Variants in BSN observed in about 807,000 individuals in gnomAD.
The protein encoded by BSN is protein bassoon.
BSN carries 57 observed loss-of-function variants against 264.8 expected under a neutral mutation model. The ratio of observed to expected loss-of-function variants is 0.22; its 90% CI spans 0.17 to 0.27. The LOEUF (loss-of-function observed/expected upper bound fraction) is 0.27. Ranked by LOEUF, BSN falls within the 10% of genes least tolerant of loss-of-function variation. BSN has a pLI of 1.00. For synonymous variants in BSN, 2,059 were observed against 2,137.3 expected (o/e 0.96, Z 1.01); for missense variants, 4,615 against 5,232.5 (o/e 0.88, Z 3.64).
At chr3:49,589,810 T>C (rs778690319) in intron 1 of BSN, among the ~76,000 whole-genome samples, 3 of 147,654 alleles carry the variant, frequency 2.0e-5, no homozygotes, top group Non-Finnish European at 4.5e-5. Context: ...GCCTGGCCAA[T>C]CTTCATTTTA....
At chr3:49,574,254 C>A (rs2108009874) in intron 1 of BSN, among the ~76,000 whole-genome samples, 1 of 151,382 alleles carries the variant, frequency 6.6e-6, no homozygotes, top group Admixed American at 6.6e-5. Flanking sequence ...AGGCGTGAGC[C>A]ACTGTGACCA....
intron 1 of BSN, among the ~76,000 whole-genome samples, chr3:49,620,167 G>C (rs2052294005): frequency 6.6e-6 from 1 of 152,166 alleles, no homozygotes; most frequent in African/African-American, 2.4e-5. Flanking sequence ...GAGGGAGCAA[G>C]TGTCTGCAGA....
intron 1 of BSN, among the ~76,000 whole-genome samples, chr3:49,609,502 C>A (rs147711819): frequency 6.6e-6 from 1 of 152,086 alleles, no homozygotes; most frequent in Non-Finnish European, 1.5e-5. Flanking sequence ...TCCCTGCCAA[C>A]GGCACTGCAG....
At chr3:49,640,205 A>G (rs1169762262) in intron 2 of BSN, among the ~76,000 whole-genome samples, 1 of 151,920 alleles carries the variant, frequency 6.6e-6, no homozygotes, top group Non-Finnish European at 1.5e-5. Context: ...TGAGGAGGAG[A>G]CTCTTCATTG....
At chr3:49,622,569 A>G (rs1024365222) in intron 1 of BSN, among the ~76,000 whole-genome samples, 4 of 152,240 alleles carry the variant, frequency 2.6e-5, no homozygotes, top group African/African-American at 9.6e-5. Flanking sequence ...ATACAATAGA[A>G]ATGGCTACAT....
intron 1 of BSN, among the ~76,000 whole-genome samples, chr3:49,569,646 C>T (rs1158704747): frequency 6.6e-6 from 1 of 152,206 alleles, no homozygotes; most frequent in Non-Finnish European, 1.5e-5. Context: ...TCACAGACAG[C>T]TGCTAAAACA....
rs1317068193 is a variant in BSN, at chr3:49,554,634, C to G, written c.32C>G (p.Ala11Gly). 2.0e-6 allele frequency: 2 copies of G among 983,136 alleles called. No individual in the cohort carries two copies. The highest frequency in any genetic ancestry group is 2.4e-6 in the Non-Finnish European group (2 of 829,736). 60.9% of individuals were successfully genotyped at this position (983,136 alleles called of 1,614,324 possible). The change falls in exon 1 of 12, where the codon GCT (alanine) becomes GGT (glycine). Residue 11 changes from alanine to glycine, a missense_variant. Ala to Gly is a moderately conservative substitution (Grantham distance 60). Around this residue, in one of 3 missense-constraint regions of BSN, gnomAD observed 1,197 missense variants for 1,348.0 expected, o/e 0.89. Coordinates refer to ENST00000296452, the MANE Select transcript of BSN (RefSeq NM_003458.4). MGNEVSLEGG[A>G]GDGPLPPGGA... ...AACGAGGTCAGCCTGGAGGGCGGCGCTGGCGACGGGCCGCTGCCGCCCGGC... is the reference window on the plus strand; with the variant it reads ...AACGAGGTCAGCCTGGAGGGCGGCGGTGGCGACGGGCCGCTGCCGCCCGGC...
At position 49,643,263 on chromosome 3, in the gene BSN, G is replaced by T. The variant is rs1484672110; in HGVS notation, c.1518+111G>T. On this transcript the variant is annotated intron_variant, in intron 3 of 11. Coordinates refer to ENST00000296452, the MANE Select transcript of BSN (RefSeq NM_003458.4). ...CTGGGTCTGCAGCAGCCATGGGGCTGCTCCTGTACAACTAATGCTGCAGAG... is the reference window on the plus strand; with the variant it reads ...CTGGGTCTGCAGCAGCCATGGGGCTTCTCCTGTACAACTAATGCTGCAGAG... 4.8e-6 allele frequency: 7 copies of T among 1,459,324 alleles called. No homozygotes were observed. In the Admixed American group the frequency reaches 1.9e-4, roughly 39 times the overall value. 90.4% of individuals were successfully genotyped at this position (1,459,324 alleles called of 1,614,324 possible).
chr3:49,650,485 A>G (rs1413149810), intron 3 of BSN, 127 bp from the exon 4 acceptor site: 2 of 885,702 alleles, frequency 2.3e-6, no homozygotes, highest in Non-Finnish European at 3.5e-6. Flanking sequence ...TTTTCTCCTT[A>G]TGTCTTTGGT....
In BSN at chr3:49,653,273, G is replaced by C; in HGVS notation, c.3717G>C (p.Gln1239His). ...ACACTACAGACCGTGAGTATGGCCA[G>C]GCTGCTCAGCCTGCCGCAGAGGGCA... Reference protein sequence around the residue: ...YQDTTDREYGQAAQPAAEGTP... With the variant: ...YQDTTDREYGHAAQPAAEGTP... Residue 1239 changes from glutamine to histidine, a missense_variant, in exon 5 of 12, where the codon CAG becomes CAC. This residue lies in a region of BSN where 3,415 missense variants were observed against 3,866.4 expected (regional missense o/e 0.88). Coordinates refer to ENST00000296452, the MANE Select transcript of BSN (RefSeq NM_003458.4). The surrounding 1 kb of genome is among the most constrained non-coding windows in gnomAD (Gnocchi z 6.3). 1 of 1,611,316 alleles carries C rather than the reference G, an allele frequency of 6.2e-7. No individual in the cohort carries two copies. The highest frequency in any genetic ancestry group is 8.5e-7 in the Non-Finnish European group (1 of 1,179,640).
chr3:49,662,169 C>A lies in BSN; in HGVS notation c.10324C>A (p.Arg3442=). 1 of 1,612,814 alleles carries A rather than the reference C, an allele frequency of 6.2e-7. No individual in the cohort carries two copies. The change falls in exon 6 of 12, where the codon CGG becomes AGG. Residue 3442 remains arginine, a synonymous_variant. Coordinates refer to ENST00000296452, the MANE Select transcript of BSN (RefSeq NM_003458.4). The part of the protein sequence containing the change: ...EDDRIYGGSS[R]SRAPSAYSGE... ...CGACCGCATTTATGGCGGGAGCAGC[C>A]GGTCCCGGGCACCTTCTGCATACAG...
At position 49,660,778 on chromosome 3, in the gene BSN, A is replaced by T; in HGVS notation, c.8933A>T (p.Tyr2978Phe). ...AAGGAGATTGACGCCAAGCTCAAGT[A>T]CCTGGAGTTGGGTATCACACAACGC... Reference protein sequence around the residue: ...EEKEIDAKLKYLELGITQRKE... With the variant: ...EEKEIDAKLKFLELGITQRKE... The change falls in exon 6 of 12, where the codon TAC becomes TTC. Residue 2978 changes from tyrosine (Y) to phenylalanine (F), a missense_variant. Coordinates refer to ENST00000296452, the MANE Select transcript of BSN (RefSeq NM_003458.4). The surrounding 1 kb of genome is among the most constrained non-coding windows in gnomAD (Gnocchi z 7.1). 3.1e-6 allele frequency: 5 copies of T among 1,613,218 alleles called. No individual in the cohort carries two copies. The highest frequency in any genetic ancestry group is 3.4e-6 in the Non-Finnish European group (4 of 1,180,006).
chr3:49,635,136 G>A (rs2052411217), intron 2 of BSN, among the ~76,000 whole-genome samples: 1 of 152,206 alleles, frequency 6.6e-6, no homozygotes, highest in Non-Finnish European at 1.5e-5. Context: ...CCAAGTTGAA[G>A]GTGCCTGACA....
intron 1 of BSN, among the ~76,000 whole-genome samples, chr3:49,570,459 T>G (rs1164442633): frequency 1.3e-5 from 2 of 152,176 alleles, no homozygotes; most frequent in Non-Finnish European, 2.9e-5. Context: ...ACTTTGCACC[T>G]ACATGGCCAT....
rs1051067243 is a variant in BSN at position 49,638,214 on chromosome 3, G to A, written c.634-4054G>A. Among the ~76,000 whole-genome samples, 1 of 148,254 alleles carries A rather than the reference G, an allele frequency of 6.7e-6. No individual in the cohort carries two copies. The highest frequency in any genetic ancestry group is 1.5e-5 in the Non-Finnish European group (1 of 67,558). On this transcript the variant is annotated intron_variant, in intron 2 of 11. Coordinates refer to ENST00000296452, the MANE Select transcript of BSN (RefSeq NM_003458.4). The surrounding 1 kb of genome is among the most constrained non-coding windows in gnomAD (Gnocchi z 4.3). ...CTGGGTTCAACCTCTTGATGAGGAGGCATCACTGTGTGCAGCTAAGGAAGG... is the reference window on the plus strand; with the variant it reads ...CTGGGTTCAACCTCTTGATGAGGAGACATCACTGTGTGCAGCTAAGGAAGG...
rs1472556033 is a variant in BSN at position 49,642,514 on chromosome 3, G to A, written c.880G>A (p.Ala294Thr). Residue 294 changes from alanine (A) to threonine (T), a missense_variant, in exon 3 of 12, where the codon GCT (alanine) becomes ACT (threonine). Ala to Thr is a moderately conservative substitution (Grantham distance 58). Around this residue, in one of 3 missense-constraint regions of BSN, gnomAD observed 1,197 missense variants for 1,348.0 expected, o/e 0.89. Transcript: ENST00000296452. The surrounding 1 kb of genome is among the most constrained non-coding windows in gnomAD (Gnocchi z 7.0). ...ATSVPGPAQA[A>T]APPEVGRVSP... ...CTCAGTGCCGGGGCCTGCCCAAGCA[G>A]CTGCCCCTCCAGAGGTGGGGAGGGT... 4.5e-6 allele frequency: 7 copies of A among 1,572,748 alleles called. No individual in the cohort carries two copies. Among genetic ancestry groups the A allele is most frequent in the Non-Finnish European group, 5.2e-6 (6 of 1,159,020 alleles).
intron 1 of BSN, among the ~76,000 whole-genome samples, chr3:49,561,490 A>C (rs2051711336): frequency 6.6e-6 from 1 of 152,118 alleles, no homozygotes; most frequent in African/African-American, 2.4e-5. Flanking sequence ...TAATAGTTAC[A>C]CTGTTACATT....
At chr3:49,624,657 A>C (rs2052328987) in intron 1 of BSN, among the ~76,000 whole-genome samples, 1 of 152,210 alleles carries the variant, frequency 6.6e-6, no homozygotes, top group Non-Finnish European at 1.5e-5. Flanking sequence ...CATGGGCCTC[A>C]GATGAGAGTA....
chr3:49,602,980 C>T (rs905809125), intron 1 of BSN, among the ~76,000 whole-genome samples: 2 of 152,230 alleles, frequency 1.3e-5, no homozygotes, highest in Non-Finnish European at 2.9e-5. Flanking sequence ...AAGATGCTGA[C>T]ATCCCACGCA....
Sources: gnomAD v4.1 joint callset for allele counts (sites outside exome capture counted in the v4.1 genomes callset) on GRCh38, gnomAD v4.1.1 for gene constraint, gnomAD v4.1.1 regional missense constraint, Gnocchi (gnomAD v3.1) non-coding constraint, MANE v1.5 for transcripts, NCBI Gene and HGNC (gene_info 2026-07-23, HGNC 2026-07-21) for gene names.